Variants in RBMS3 observed in about 807,000 individuals in gnomAD.
RBMS3 encodes the protein RNA binding motif single stranded interacting protein 3, also known as RNA-binding motif, single-stranded-interacting protein 3.
RBMS3 carries 27 observed loss-of-function variants against 66.8 expected under a neutral mutation model. That is an observed-to-expected ratio of 0.40 (90% confidence interval 0.30 to 0.56). The LOEUF (loss-of-function observed/expected upper bound fraction) is 0.56. Ranked by LOEUF, RBMS3 falls within the 20% of genes least tolerant of loss-of-function variation. The pLI is 0.40. For missense variants in RBMS3, 513 were observed against 549.5 expected, an observed-to-expected ratio of 0.93 and a Z score of 0.66; for synonymous variants, 188 against 183.0, an observed-to-expected ratio of 1.03 and a Z score of -0.22.
chr3:29,282,796 C>T (rs531201426), intron 1 of RBMS3, among the ~76,000 whole-genome samples: 3 of 152,028 alleles, frequency 2.0e-5, no homozygotes, highest in Non-Finnish European at 2.9e-5. Flanking sequence ...CACCAGGACT[C>T]GGTGATGTGA....
chr3:29,589,231 T>TC (rs1045420987), intron 4 of RBMS3, among the ~76,000 whole-genome samples: 1 of 151,964 alleles, frequency 6.6e-6, no homozygotes, highest in African/African-American at 2.4e-5. Flanking sequence ...TCTTACCCAC[T>TC]CCCCCGCACC....
chr3:29,797,470 A>G (rs1480015980), intron 6 of RBMS3, among the ~76,000 whole-genome samples: 2 of 152,188 alleles, frequency 1.3e-5, no homozygotes, highest in African/African-American at 2.4e-5. Context: ...AACTTTCTCC[A>G]GATCAGCAAT....
chr3:29,795,505 C>A (rs1200749115), intron 6 of RBMS3, among the ~76,000 whole-genome samples: 1 of 152,198 alleles, frequency 6.6e-6, no homozygotes, highest in Non-Finnish European at 1.5e-5. Flanking sequence ...CACACCAGAG[C>A]ATCAACTTTA....
intron 7 of RBMS3, among the ~76,000 whole-genome samples, chr3:29,879,505 C>T (rs537547603): frequency 2.6e-5 from 4 of 152,190 alleles, no homozygotes; most frequent in East Asian, 3.9e-4. Context: ...TTGGACTCAA[C>T]TTGTGCTAAT....
intron 2 of RBMS3, among the ~76,000 whole-genome samples, chr3:29,458,177 A>G (rs547074810): frequency 6.6e-6 from 1 of 152,304 alleles, no homozygotes; most frequent in African/African-American, 2.4e-5. Flanking sequence ...GCAGATGAAG[A>G]GTATGTCTTA....
chr3:29,791,756 A>G (rs2057020935), intron 6 of RBMS3, among the ~76,000 whole-genome samples: 1 of 152,216 alleles, frequency 6.6e-6, no homozygotes, highest in African/African-American at 2.4e-5. Context: ...ACTAAAAGCT[A>G]GTTTGTGTAT....
intron 1 of RBMS3, among the ~76,000 whole-genome samples, chr3:29,423,916 C>A (rs1365170934): frequency 6.6e-6 from 1 of 152,078 alleles, no homozygotes; most frequent in Non-Finnish European, 1.5e-5. Flanking sequence ...GCTGAACAAC[C>A]TTGAAAAGTC....
chr3:29,783,196 G>A (rs1199565443), intron 6 of RBMS3, among the ~76,000 whole-genome samples: 2 of 152,044 alleles, frequency 1.3e-5, no homozygotes, highest in Non-Finnish European at 2.9e-5. Context: ...GAAACTCAAA[G>A]AACACCTGGA....
At chr3:29,673,475 TTA>T (rs200772296) in intron 4 of RBMS3, among the ~76,000 whole-genome samples, 218 of 150,514 alleles carry the variant, frequency 1.4e-3, no homozygotes, top group African/African-American at 5.0e-3. Context: ...TTTTTTTTTT[TTA>T]AAAGATCAAC....
chr3:29,745,989 A>G (rs1156320391), intron 5 of RBMS3, among the ~76,000 whole-genome samples: 1 of 151,546 alleles, frequency 6.6e-6, no homozygotes, highest in South Asian at 2.1e-4. Context: ...TGTGTTTTCT[A>G]CTAATAACTT....
Position 29,281,385 on chromosome 3 carries a change from T to C in RBMS3, c.-297T>C, listed in dbSNP as rs1455370254. Reference sequence around the variant, plus strand: ...CCTGGTTAGAGAACAAACTGCCTCATCCCAAGTGGACCCCGGCAGCTGGGG... The same window carrying C: ...CCTGGTTAGAGAACAAACTGCCTCACCCCAAGTGGACCCCGGCAGCTGGGG... On this transcript the variant is annotated 5_prime_UTR_variant, in exon 1 of 15. Coordinates refer to ENST00000383767, the MANE Select transcript of RBMS3 (RefSeq NM_001003793.3). The C allele has an allele frequency of 6.5e-6, 3 of 464,972 alleles. No homozygotes were observed. The highest frequency in any genetic ancestry group is 4.1e-5 in the African/African-American group (2 of 48,876). The allele number at this position is 464,972 out of a possible 1,614,324, so 28.8% of individuals were successfully genotyped here. A position where few individuals can be genotyped will look rare whatever the true frequency, so the allele number is the denominator to read the frequency against.
intron 1 of RBMS3, among the ~76,000 whole-genome samples, chr3:29,320,215 G>A (rs778864635): frequency 6.6e-6 from 1 of 152,036 alleles, no homozygotes; most frequent in Non-Finnish European, 1.5e-5. Flanking sequence ...TTCACTCTCA[G>A]AGTAGACTAC....
chr3:29,763,551 G>T (rs539771573), intron 6 of RBMS3, among the ~76,000 whole-genome samples: 1 of 152,102 alleles, frequency 6.6e-6, no homozygotes, highest in South Asian at 2.1e-4. Flanking sequence ...GAGCTAGTTT[G>T]AGAAGCCCCA....
chr3:29,541,834 G>A (rs1475756819), intron 3 of RBMS3, among the ~76,000 whole-genome samples: 3 of 151,486 alleles, frequency 2.0e-5, no homozygotes, highest in Middle Eastern at 3.4e-3. Flanking sequence ...ATTCACTGCC[G>A]CAGCCCTCAG....
chr3:29,857,469 ATTCT>A (rs1161570822), intron 6 of RBMS3, among the ~76,000 whole-genome samples: 3 of 148,958 alleles, frequency 2.0e-5, no homozygotes, highest in Non-Finnish European at 4.4e-5. Flanking sequence ...ATGACTTGGA[ATTCT>A]TTCTTGTTAT....
chr3:29,522,261 C>T (rs1054860574), intron 3 of RBMS3, among the ~76,000 whole-genome samples: 4 of 152,040 alleles, frequency 2.6e-5, no homozygotes, highest in South Asian at 2.1e-4. Flanking sequence ...GCTGTGATCT[C>T]GGCTCACTGC....
At chr3:29,364,046 A>G (rs1283325704) in intron 1 of RBMS3, among the ~76,000 whole-genome samples, 1 of 152,032 alleles carries the variant, frequency 6.6e-6, no homozygotes, top group African/African-American at 2.4e-5. Context: ...CAATATTTCT[A>G]CTTCTAGGAA....
At chr3:29,892,621 T>C (rs1256521839) in intron 8 of RBMS3, among the ~76,000 whole-genome samples, 1 of 151,502 alleles carries the variant, frequency 6.6e-6, no homozygotes, top group Non-Finnish European at 1.5e-5. Context: ...GAAGTAAACT[T>C]TTTTAACAGG....
At chr3:29,685,121 C>T (rs572603193) in intron 4 of RBMS3, among the ~76,000 whole-genome samples, 61 of 152,184 alleles carry the variant, frequency 4.0e-4, no homozygotes, top group African/African-American at 1.4e-3. Context: ...TGCAGTGGCG[C>T]GATCTCGGCT....
Sources: allele counts gnomAD v4.1 joint callset (sites outside exome capture counted in the v4.1 genomes callset), GRCh38; gene constraint gnomAD v4.1.1; transcripts MANE v1.5; gene names NCBI Gene and HGNC (gene_info 2026-07-23, HGNC 2026-07-21).